Variants in HM13 observed in about 807,000 individuals in gnomAD.
HM13 encodes signal peptide peptidase.
A neutral mutation model predicts 50.0 loss-of-function variants in HM13; 18 were observed. The observed-to-expected ratio is 0.36, with a 90% CI of 0.25 to 0.53. The LOEUF (loss-of-function observed/expected upper bound fraction) is 0.53, where lower values mean the gene tolerates loss of function less well. Ranked by LOEUF, HM13 falls within the 20% of genes least tolerant of loss-of-function variation. The pLI is 0.90. For synonymous variants in HM13, 197 were observed against 232.6 expected, an observed-to-expected ratio of 0.85 and a Z score of 1.39; for missense variants, 393 against 552.4, an observed-to-expected ratio of 0.71 and a Z score of 2.89.
chr20:31,547,853 C>T (rs538582847), intron 4 of HM13: 9 of 960,818 alleles, frequency 9.4e-6, no homozygotes, highest in African/African-American at 8.0e-5. Flanking sequence ...CCAGGTTTAA[C>T]TTCTCCTGGA....
intron 4 of HM13, chr20:31,548,532 T>G (rs1478754488): frequency 5.4e-6 from 1 of 186,670 alleles, no homozygotes. Context: ...AACTCGACCT[T>G]TCTAAAGACC....
chr20:31,521,021 T>C (rs1982125928), intron 1 of HM13, among the ~76,000 whole-genome samples: 1 of 152,250 alleles, frequency 6.6e-6, no homozygotes, highest in South Asian at 2.1e-4. Context: ...CATTTACTTC[T>C]GCTGTTTGTG....
chr20:31,561,944 A>G (rs953848876), intron 10 of HM13, among the ~76,000 whole-genome samples: 13 of 152,224 alleles, frequency 8.5e-5, no homozygotes, highest in African/African-American at 2.9e-4. Flanking sequence ...TAGAGGCAAG[A>G]AGGAGGGAAA....
chr20:31,528,573 G>C (rs577014665), intron 2 of HM13, among the ~76,000 whole-genome samples: 5 of 152,324 alleles, frequency 3.3e-5, no homozygotes, highest in Admixed American at 2.0e-4. Flanking sequence ...CCACCTCCCA[G>C]GTTCAAGTGG....
intron 6 of HM13, among the ~76,000 whole-genome samples, chr20:31,549,576 T>C (rs1983916473): frequency 6.6e-6 from 1 of 152,206 alleles, no homozygotes; most frequent in Non-Finnish European, 1.5e-5. Context: ...TCTTCCTTGC[T>C]AGCAGGGGTG....
chr20:31,523,053 G>GGGGGGGT (rs1568779752), intron 1 of HM13, among the ~76,000 whole-genome samples: 1 of 139,828 alleles, frequency 7.2e-6, no homozygotes, highest in African/African-American at 2.9e-5. Context: ...TGGGAGGGGG[G>GGGGGGGT]CTTTTTTTTT....
At chr20:31,522,016 T>G (rs940124343) in intron 1 of HM13, among the ~76,000 whole-genome samples, 2 of 151,972 alleles carry the variant, frequency 1.3e-5, no homozygotes, top group African/African-American at 2.4e-5. Flanking sequence ...GGGATATTTA[T>G]AAGTCACCCG....
chr20:31,539,151 T>C (rs1983290461), intron 3 of HM13: 1 of 985,310 alleles, frequency 1.0e-6, no homozygotes, highest in Admixed American at 6.1e-5. Flanking sequence ...TTGCTACTTT[T>C]ATTTTGGACA....
chr20:31,519,299 C>T (rs1982004484), intron 1 of HM13, among the ~76,000 whole-genome samples: 1 of 152,188 alleles, frequency 6.6e-6, no homozygotes. Context: ...TGGGGTTTCA[C>T]CAGGTTGTCC....
intron 12 of HM13, among the ~76,000 whole-genome samples, chr20:31,568,844 A>C (rs1478071394): frequency 2.0e-5 from 3 of 152,138 alleles, no homozygotes; most frequent in Non-Finnish European, 2.9e-5. Context: ...AAATCAGCCC[A>C]CACAAGCCCA....
chr20:31,567,069 C>G (rs1984963502), intron 11 of HM13, among the ~76,000 whole-genome samples: 1 of 152,098 alleles, frequency 6.6e-6, no homozygotes, highest in South Asian at 2.1e-4. Flanking sequence ...CGCAGGGGAG[C>G]CTGTGACTCA....
intron 3 of HM13, chr20:31,538,486 T>G (rs2122591393): frequency 7.1e-7 from 1 of 1,410,792 alleles, no homozygotes; most frequent in Admixed American, 2.9e-5. Context: ...GGTGGGTGTT[T>G]CCACCACCAC....
chr20:31,538,051 G>A lies in HM13; in HGVS notation c.283-128G>A, dbSNP rs1983214830. The A allele has an allele frequency of 4.8e-6, 5 of 1,033,000 alleles. No homozygotes were observed. In the South Asian group the frequency reaches 8.2e-5, roughly 17 times the overall value. The allele number at this position is 1,033,000 out of a possible 1,614,324, so 64.0% of individuals were successfully genotyped here. On this transcript the variant is annotated intron_variant, in intron 2 of 12. Coordinates refer to ENST00000398174, the MANE Select transcript of HM13 (RefSeq NM_178581.3). Reference sequence around the variant, plus strand: ...CTAGAATGCCACTAGTATTGTCTGAGACTCTTCCTGACTGTCCCCCGACTC... The same window carrying A: ...CTAGAATGCCACTAGTATTGTCTGAAACTCTTCCTGACTGTCCCCCGACTC...
chr20:31,525,520 T>C (rs1982432674), intron 1 of HM13, among the ~76,000 whole-genome samples: 2 of 152,218 alleles, frequency 1.3e-5, no homozygotes, highest in African/African-American at 4.8e-5. Flanking sequence ...CTGGCTACTA[T>C]GGAAAGAACT....
At chr20:31,523,344 C>A (rs1982295317) in intron 1 of HM13, among the ~76,000 whole-genome samples, 1 of 151,522 alleles carries the variant, frequency 6.6e-6, no homozygotes, top group Non-Finnish European at 1.5e-5. Context: ...CTCACTGCAA[C>A]CTCCACCTCC....
chr20:31,554,373 G>A lies in HM13; in HGVS notation c.725-373G>A, dbSNP rs1019468913. On this transcript the variant is annotated intron_variant, in intron 7 of 12. Coordinates refer to ENST00000398174, the MANE Select transcript of HM13 (RefSeq NM_178581.3). ...TGCCCTGGGCAATAGAGCAAGCCCC[G>A]TCTCAAAAAAAAAAAAAATACAAAG... Among the ~76,000 whole-genome samples, 9 of 127,860 alleles carry A rather than the reference G, an allele frequency of 7.0e-5. No homozygotes were observed. The East Asian group carries it at 7.9e-4, about 11-fold the overall frequency. The allele number at this position is 127,860 out of a possible 152,430, so 83.9% of individuals were successfully genotyped here.
intron 2 of HM13, among the ~76,000 whole-genome samples, chr20:31,536,040 C>T (rs1293829845): frequency 1.3e-5 from 2 of 152,094 alleles, no homozygotes; most frequent in African/African-American, 2.4e-5. Flanking sequence ...TATCCAGCCC[C>T]TTCACACGTC....
rs749101355 is a variant in HM13, at chr20:31,568,188, G to T, written c.1145G>T (p.Gly382Val). ...LADSMQQKLA[G>V]PRRRRPQNPS... Reference sequence around the variant, plus strand: ...GACTCCATGCAGCAGAAGCTAGCTGGCCCTCGCCGCCGGCGCCCGCAGAAT... The same window carrying T: ...GACTCCATGCAGCAGAAGCTAGCTGTCCCTCGCCGCCGGCGCCCGCAGAAT... Residue 382 changes from glycine (G) to valine (V), a missense_variant, in exon 12 of 13, where the codon GGC becomes GTC. Gly to Val is a moderately radical substitution (Grantham distance 109). Transcript: ENST00000398174. The T allele has an allele frequency of 2.5e-6, 4 of 1,612,816 alleles. No homozygotes were observed. The highest frequency in any genetic ancestry group is 2.5e-6 in the Non-Finnish European group (3 of 1,179,930).
intron 10 of HM13, among the ~76,000 whole-genome samples, chr20:31,564,458 G>A (rs1426867779): frequency 6.6e-6 from 1 of 151,840 alleles, no homozygotes; most frequent in Non-Finnish European, 1.5e-5. Flanking sequence ...ACACCTGTAG[G>A]CCCAGCAACT....
Sources: allele counts gnomAD v4.1 joint callset (sites outside exome capture counted in the v4.1 genomes callset), GRCh38; gene constraint gnomAD v4.1.1; transcripts MANE v1.5; gene names NCBI Gene and HGNC (gene_info 2026-07-23, HGNC 2026-07-21).